BEND7: variants seen among roughly 807,000 people sequenced by gnomAD.
BEND7 encodes BEN domain-containing protein 7.
A neutral mutation model predicts 50.9 loss-of-function variants in BEND7; 28 were observed. That is an observed-to-expected ratio of 0.55 (90% CI 0.41 to 0.75). The LOEUF (loss-of-function observed/expected upper bound fraction) is 0.75, where lower values mean the gene tolerates loss of function less well. Among genes scored for constraint, BEND7 ranks in the 30% least tolerant of loss-of-function variants. The pLI is 0.00. For missense variants in BEND7, 477 were observed against 491.3 expected, an observed-to-expected ratio of 0.97 and a Z score of 0.28; for synonymous variants, 170 against 183.9, an observed-to-expected ratio of 0.92 and a Z score of 0.61.
chr10:13,443,875 A>G (rs963168903), intron 8 of BEND7: 2 of 152,224 alleles, frequency 1.3e-5, no homozygotes, highest in African/African-American at 2.4e-5. Context: ...GAGAAAAATC[A>G]TCCAATAATG....
Position 13,443,867 on chromosome 10 carries a change from G to GA in BEND7, c.1235-2118dup, listed in dbSNP as rs909073802. On this transcript the variant is annotated intron_variant, in intron 8 of 8. Coordinates refer to ENST00000466271, the MANE Select transcript of BEND7 (RefSeq NM_001369863.1). ...ATAAATAAAATGGAGAAACATTTGA[G>GA]AAAAATCATCCAATAATGGTTGTCT... is the stretch of plus-strand genomic sequence containing the variant. The GA allele has an allele frequency of 5.3e-5, 8 of 152,284 alleles. 1 individual carries two copies. Among genetic ancestry groups the GA allele is most frequent in the African/African-American group, 9.6e-5 (4 of 41,558 alleles). 9.4% of individuals were successfully genotyped at this position (152,284 alleles called of 1,614,324 possible).
chr10:13,527,210 AATCAACACG>A (rs2079499343), intron 1 of BEND7, among the ~76,000 whole-genome samples: 1 of 149,300 alleles, frequency 6.7e-6, no homozygotes, highest in Non-Finnish European at 1.5e-5. Context: ...GTAACTGAGT[AATCAACACG>A]GATGTGGAAA....
chr10:13,494,411 G>C (rs577463126), intron 4 of BEND7, among the ~76,000 whole-genome samples: 98 of 152,264 alleles, frequency 6.4e-4, no homozygotes, highest in African/African-American at 2.3e-3. Context: ...GTGAGACTAT[G>C]TCTCAAAACA....
intron 6 of BEND7, among the ~76,000 whole-genome samples, chr10:13,454,368 G>A (rs1838451436): frequency 6.6e-6 from 1 of 152,188 alleles, no homozygotes; most frequent in African/African-American, 2.4e-5. Context: ...CACTTTATGA[G>A]GCTAAGGTGG....
chr10:13,487,805 T>C (rs991683378), intron 5 of BEND7, among the ~76,000 whole-genome samples: 1 of 152,024 alleles, frequency 6.6e-6, no homozygotes, highest in African/African-American at 2.4e-5. Flanking sequence ...AGAAAACAGA[T>C]TTCAAGGCCG....
chr10:13,527,276 T>C (rs1187386588), intron 1 of BEND7, among the ~76,000 whole-genome samples: 2 of 152,192 alleles, frequency 1.3e-5, no homozygotes, highest in Non-Finnish European at 2.9e-5. Context: ...TTTGAATGCG[T>C]GAAACTATTT....
intron 2 of BEND7, among the ~76,000 whole-genome samples, chr10:13,512,256 G>A (rs376939705): frequency 4.6e-5 from 7 of 152,156 alleles, no homozygotes; most frequent in South Asian, 2.1e-4. Context: ...ACAACATAGC[G>A]AGATCCTGTC....
chr10:13,513,621 C>T (rs577746557), intron 2 of BEND7, among the ~76,000 whole-genome samples: 1 of 152,288 alleles, frequency 6.6e-6, no homozygotes, highest in South Asian at 2.1e-4. Flanking sequence ...TTCTCCCCAC[C>T]ACCACCCCAT....
chr10:13,472,638 TAGACTC>T (rs948562776), intron 6 of BEND7, among the ~76,000 whole-genome samples: 1 of 152,010 alleles, frequency 6.6e-6, no homozygotes, highest in African/African-American at 2.4e-5. Flanking sequence ...TCATCGCTCT[TAGACTC>T]GGGGTCGATA....
intron 5 of BEND7, among the ~76,000 whole-genome samples, chr10:13,486,624 G>T (rs567633653): frequency 6.6e-6 from 1 of 152,298 alleles, no homozygotes; most frequent in South Asian, 2.1e-4. Context: ...AGTGAATGTT[G>T]AATGGGATAA....
chr10:13,505,939 G>C (rs1341791624), intron 2 of BEND7, among the ~76,000 whole-genome samples: 2 of 152,106 alleles, frequency 1.3e-5, no homozygotes, highest in Admixed American at 1.3e-4. Context: ...GCAACACTAA[G>C]ATAGTAAACA....
At chr10:13,440,009 G>A (rs1835134363), downstream of BEND7, among the ~76,000 whole-genome samples, 1 of 152,222 alleles carries the variant, frequency 6.6e-6, no homozygotes, top group African/African-American at 2.4e-5. Context: ...TGGTGCAGCT[G>A]AACTCGGGTG....
chr10:13,480,536 C>A, intron 6 of BEND7: 1 of 647,640 alleles, frequency 1.5e-6, no homozygotes, highest in Non-Finnish European at 1.9e-6. Flanking sequence ...TTTTAAGAAG[C>A]ATCATAGCTT....
intron 6 of BEND7, among the ~76,000 whole-genome samples, chr10:13,465,312 C>T (rs1465902316): frequency 1.3e-5 from 2 of 152,110 alleles, no homozygotes; most frequent in Admixed American, 1.3e-4. Flanking sequence ...AAAAATGATG[C>T]CTTTAAATTA....
intron 2 of BEND7, among the ~76,000 whole-genome samples, chr10:13,518,500 C>T (rs1245031452): frequency 3.1e-4 from 47 of 152,246 alleles, no homozygotes; most frequent in Admixed American, 3.1e-3. Context: ...ACAATGTCAA[C>T]ATCAGTTTAC....
chr10:13,515,104 A>G (rs1347680964), intron 2 of BEND7, among the ~76,000 whole-genome samples: 2 of 152,208 alleles, frequency 1.3e-5, no homozygotes, highest in Non-Finnish European at 2.9e-5. Flanking sequence ...TTATCATGAT[A>G]ATGTAAAGGT....
intron 1 of BEND7, 106 bp downstream of exon 1, chr10:13,528,367 G>T: frequency 2.5e-6 from 1 of 406,708 alleles, no homozygotes; most frequent in Non-Finnish European, 3.3e-6. Flanking sequence ...GGGGGACCGG[G>T]AAGGACCGGG....
At chr10:13,462,905 A>C (rs2073852027) in intron 6 of BEND7, among the ~76,000 whole-genome samples, 1 of 152,240 alleles carries the variant, frequency 6.6e-6, no homozygotes, top group South Asian at 2.1e-4. Context: ...CTAGAGCAAA[A>C]AGACAGATGA....
At chr10:13,487,687 A>AATACTGTATTTAGATCTGAAATTTAGTTT in intron 5 of BEND7, among the ~76,000 whole-genome samples, 2 of 152,168 alleles carry the variant, frequency 1.3e-5, no homozygotes, top group East Asian at 1.9e-4. Context: ...CACCTGGCCA[A>AATACTGTATTTAGATCTGAAATTTAGTTT]TGGCCTCAAT....
Sources: gnomAD v4.1 joint callset for allele counts (sites outside exome capture counted in the v4.1 genomes callset) on GRCh38, gnomAD v4.1.1 for gene constraint, MANE v1.5 for transcripts, NCBI Gene and HGNC (gene_info 2026-07-23, HGNC 2026-07-21) for gene names.